The following BICD1 variants were observed in gnomAD, a reference collection of about 807,000 sequenced individuals.
The protein encoded by BICD1 is BICD cargo adaptor 1, also known as protein bicaudal D homolog 1.
In BICD1, 35 loss-of-function variants were observed where a neutral mutation model predicts 92.5. The observed-to-expected ratio is 0.38, with a 90% CI of 0.29 to 0.50. BICD1 has a LOEUF of 0.50. BICD1 is among the 20% of genes least tolerant of loss of function. The pLI is 0.93. For missense variants in BICD1, 950 were observed against 1,189.8 expected (o/e 0.80, Z 2.97); for synonymous variants, 429 against 465.1 (o/e 0.92, Z 1.00).
At chr12:32,212,134 T>C (rs917525930) in intron 1 of BICD1, among the ~76,000 whole-genome samples, 5 of 152,194 alleles carry the variant, frequency 3.3e-5, no homozygotes, top group African/African-American at 1.2e-4. Flanking sequence ...CACTGATGCT[T>C]AGGGACCATC....
At chr12:32,155,441 C>G (rs142912147) in intron 1 of BICD1, among the ~76,000 whole-genome samples, 1 of 152,196 alleles carries the variant, frequency 6.6e-6, no homozygotes, top group Non-Finnish European at 1.5e-5. Context: ...TTTTTAAAAT[C>G]ATGATATCTA....
intron 8 of BICD1, chr12:32,354,130 T>C (rs1302071378): frequency 6.6e-6 from 1 of 152,228 alleles, no homozygotes; most frequent in Non-Finnish European, 1.5e-5. Flanking sequence ...GAAATAAAAA[T>C]AGATTTTTGC....
In BICD1 at chr12:32,182,278, C is replaced by CTTTTTTTTTTTTTTTTTTTTTT. The variant is rs759328721; in HGVS notation, c.214-33968_214-33947dup. The stretch of plus-strand genomic sequence containing the variant: ...TTCTTTTTTCTTTCTTTCTTTCTTT[C>CTTTTTTTTTTTTTTTTTTTTTT]TTTTTTTTTTTTTTTTTTTTTTGAG... On this transcript the variant is annotated intron_variant, in intron 1 of 9. Coordinates refer to ENST00000652176, the MANE Select transcript of BICD1 (RefSeq NM_001714.4). 6.3e-4 allele frequency among the ~76,000 whole-genome samples: 51 copies of CTTTTTTTTTTTTTTTTTTTTTT among 81,420 alleles called. 6 individuals are homozygous for CTTTTTTTTTTTTTTTTTTTTTT. Among genetic ancestry groups the CTTTTTTTTTTTTTTTTTTTTTT allele is most frequent in the Non-Finnish European group, 7.5e-4 (32 of 42,422 alleles). 53.4% of individuals were successfully genotyped at this position (81,420 alleles called of 152,430 possible).
chr12:32,267,496 A>G (rs964322301), intron 2 of BICD1, among the ~76,000 whole-genome samples: 1 of 152,234 alleles, frequency 6.6e-6, no homozygotes. Context: ...CAATTAGTAT[A>G]TGTGTGAGAA....
At chr12:32,165,805 G>A (rs1457061874) in intron 1 of BICD1, among the ~76,000 whole-genome samples, 1 of 152,118 alleles carries the variant, frequency 6.6e-6, no homozygotes, top group African/African-American at 2.4e-5. Flanking sequence ...GTTTGAAGAT[G>A]TGCAAGGATT....
chr12:32,230,242 G>T (rs1945837177), intron 2 of BICD1, among the ~76,000 whole-genome samples: 1 of 151,838 alleles, frequency 6.6e-6, no homozygotes. Flanking sequence ...CCCTCAAAAA[G>T]AGGAATTCAG....
intron 4 of BICD1, among the ~76,000 whole-genome samples, chr12:32,321,978 G>A (rs1387251591): frequency 6.6e-6 from 1 of 152,122 alleles, no homozygotes; most frequent in African/African-American, 2.4e-5. Context: ...CAGCCTGGGC[G>A]ACAGAGTGAG....
Position 32,107,220 on chromosome 12 carries a change from C to G in BICD1, c.-112C>G, listed in dbSNP as rs118004681. 1,769 of 1,075,328 alleles carry G rather than the reference C, an allele frequency of 1.6e-3. 40 individuals carry two copies. In the East Asian group the frequency reaches 0.034, roughly 21 times the overall value. The allele number at this position is 1,075,328 out of a possible 1,614,324, so 66.6% of individuals were successfully genotyped here. On this transcript the variant is annotated 5_prime_UTR_variant, in exon 1 of 10. Transcript: ENST00000652176. The stretch of plus-strand genomic sequence containing the variant: ...CGCGCTGCTCATTCATCCGGCCGCA[C>G]TTTCTTTTCCGTTTCCACCCATCCC...
chr12:32,190,158 T>C (rs1366122977), intron 1 of BICD1, among the ~76,000 whole-genome samples: 2 of 152,090 alleles, frequency 1.3e-5, no homozygotes, highest in African/African-American at 4.8e-5. Flanking sequence ...AAAAAAAATT[T>C]AAAGTCACAA....
At chr12:32,176,144 A>C (rs576491134) in intron 1 of BICD1, among the ~76,000 whole-genome samples, 8 of 152,150 alleles carry the variant, frequency 5.3e-5, no homozygotes, top group Non-Finnish European at 1.2e-4. Context: ...TTGGACATGT[A>C]GGTTGTTTCT....
chr12:32,242,032 AAAAC>A (rs549055036), intron 2 of BICD1, among the ~76,000 whole-genome samples: 9 of 150,580 alleles, frequency 6.0e-5, no homozygotes, highest in East Asian at 1.9e-4. Context: ...CTGTCTCTCC[AAAAC>A]AAACAAACAA....
chr12:32,141,339 T>C (rs1942913952), intron 1 of BICD1, among the ~76,000 whole-genome samples: 1 of 152,120 alleles, frequency 6.6e-6, no homozygotes, highest in South Asian at 2.1e-4. Context: ...TTTTTTGTCC[T>C]GATGACTGCC....
In BICD1 at chr12:32,328,248, C is replaced by T. The variant is rs1339365460; in HGVS notation, c.1793C>T (p.Pro598Leu). The T allele has an allele frequency of 6.2e-7, 1 of 1,614,162 alleles. No homozygotes were observed. Residue 598 changes from proline (P) to leucine (L), a missense_variant, in exon 5 of 10, where the codon CCC becomes CTC. Around this residue, in one of 5 missense-constraint regions of BICD1, gnomAD observed 309 missense variants for 499.4 expected, o/e 0.62. Coordinates refer to ENST00000652176, the MANE Select transcript of BICD1 (RefSeq NM_001714.4). The surrounding 1 kb of genome is among the most constrained non-coding windows in gnomAD (Gnocchi z 4.4). ...ASKEPSPTKT[P>L]TISPVITAPP... is the part of the protein sequence containing the mutation. ...AAAGAACCAAGTCCAACTAAGACCC[C>T]CACAATCTCTCCTGTTATTACTGCC...
At chr12:32,311,780 C>G (rs1467920609) in intron 4 of BICD1, among the ~76,000 whole-genome samples, 1 of 152,086 alleles carries the variant, frequency 6.6e-6, no homozygotes, top group African/African-American at 2.4e-5. Flanking sequence ...TGGCTCTTAG[C>G]TGATTATCTC....
chr12:32,328,683 C>A lies in BICD1; in HGVS notation c.2100+128C>A, dbSNP rs1049003256. ...ATTCTTGGTAAGTGGATAAATAAAACTGTCCCAGTGCCAGATCAGAATGTC... is the reference window on the plus strand; with the variant it reads ...ATTCTTGGTAAGTGGATAAATAAAAATGTCCCAGTGCCAGATCAGAATGTC... On this transcript the variant is annotated intron_variant, in intron 5 of 9. Coordinates refer to ENST00000652176, the MANE Select transcript of BICD1 (RefSeq NM_001714.4). The surrounding 1 kb of genome is among the most constrained non-coding windows in gnomAD (Gnocchi z 4.4). The A allele has an allele frequency of 1.6e-6, 2 of 1,261,630 alleles. No homozygotes were observed. The highest frequency in any genetic ancestry group is 1.5e-5 in the African/African-American group (1 of 66,664). The allele number at this position is 1,261,630 out of a possible 1,614,324, so 78.2% of individuals were successfully genotyped here.
At chr12:32,238,296 G>A (rs1946132935) in intron 2 of BICD1, among the ~76,000 whole-genome samples, 1 of 152,142 alleles carries the variant, frequency 6.6e-6, no homozygotes, top group Non-Finnish European at 1.5e-5. Flanking sequence ...GGTGGAAATA[G>A]CAAGAGAACT....
At position 32,337,053 on chromosome 12, in the gene BICD1, G is replaced by T. The variant is rs1162385912; in HGVS notation, c.2253-446G>T. ...GAGGTCTGGAGTTCAAGACCAGCCT[G>T]GCCAACATGGTGAAACCCCGTCTCT... On this transcript the variant is annotated intron_variant, in intron 6 of 9. Transcript: ENST00000652176. The surrounding 1 kb of genome is among the most constrained non-coding windows in gnomAD (Gnocchi z 4.7). Among the ~76,000 whole-genome samples the T allele has an allele frequency of 1.3e-5, 2 of 152,252 alleles. No individual in the cohort carries two copies. The highest frequency in any genetic ancestry group is 3.9e-4 in the East Asian group (2 of 5,180).
intron 2 of BICD1, among the ~76,000 whole-genome samples, chr12:32,287,531 GT>G (rs576396740): frequency 1.6e-4 from 19 of 120,166 alleles, no homozygotes; most frequent in East Asian, 4.4e-4. Context: ...GCTGGGTGGT[GT>G]TTTTTTTTTT....
At chr12:32,300,933 G>A (rs920851137) in intron 3 of BICD1, among the ~76,000 whole-genome samples, 24 of 152,144 alleles carry the variant, frequency 1.6e-4, no homozygotes, top group African/African-American at 5.1e-4. Flanking sequence ...TTACAGGCGC[G>A]AGTCACTGCG....
Sources: allele counts gnomAD v4.1 joint callset (sites outside exome capture counted in the v4.1 genomes callset), GRCh38; gene constraint gnomAD v4.1.1; regional missense constraint gnomAD v4.1.1; non-coding constraint Gnocchi (gnomAD v3.1); transcripts MANE v1.5; gene names NCBI Gene and HGNC (gene_info 2026-07-23, HGNC 2026-07-21).